The following EXD3 variants were observed in gnomAD, a reference collection of about 807,000 sequenced individuals.
The protein encoded by EXD3 is exonuclease 3'-5' domain containing 3.
In EXD3, 92 loss-of-function variants were observed where a neutral mutation model predicts 98.0. The ratio of observed to expected loss-of-function variants is 0.94; its 90% CI spans 0.79 to 1.12. The LOEUF is 1.12. Ranked by LOEUF, EXD3 falls within the 50% of genes most tolerant of loss-of-function variation. The pLI, the probability that EXD3 is intolerant of heterozygous loss-of-function variation, is 0.00. For missense variants in EXD3, 1,222 were observed against 1,191.6 expected (o/e 1.03, Z -0.38); for synonymous variants, 569 against 526.0 (o/e 1.08, Z -1.12).
intron 20 of EXD3, among the ~76,000 whole-genome samples, chr9:137,308,248 T>C (rs1831155847): frequency 6.6e-6 from 1 of 152,172 alleles, no homozygotes; most frequent in African/African-American, 2.4e-5. Flanking sequence ...CCTGCTCCTG[T>C]TGACCCTCGT....
chr9:137,403,169 T>C lies in EXD3; in HGVS notation c.-47-7765A>G, dbSNP rs1837549317. Reference sequence around the variant, plus strand: ...CTGACCCCTCTCCCCTCCATGGCAGTGTGGGGACTGCTATGCATATCTGAA... The same window carrying C: ...CTGACCCCTCTCCCCTCCATGGCAGCGTGGGGACTGCTATGCATATCTGAA... On this transcript the variant is annotated intron_variant, in intron 1 of 21. Coordinates refer to ENST00000340951, the MANE Select transcript of EXD3 (RefSeq NM_017820.5). The surrounding 1 kb of genome is among the most constrained non-coding windows in gnomAD (Gnocchi z 6.1). Among the ~76,000 whole-genome samples the C allele has an allele frequency of 1.3e-5, 2 of 151,878 alleles. No individual in the cohort carries two copies. Among genetic ancestry groups the C allele is most frequent in the Non-Finnish European group, 2.9e-5 (2 of 67,996 alleles).
chr9:137,366,024 A>T (rs776693383), intron 7 of EXD3: 34 of 632,982 alleles, frequency 5.4e-5, no homozygotes, highest in Middle Eastern at 2.5e-4. Context: ...GGGCACACAC[A>T]TACATGCACA....
intron 17 of EXD3, among the ~76,000 whole-genome samples, chr9:137,338,425 T>A (rs1015956783): frequency 3.3e-5 from 5 of 151,746 alleles, no homozygotes; most frequent in Admixed American, 1.3e-4. Context: ...AACACTTATA[T>A]CATAAAATAT....
chr9:137,365,591 A>T lies in EXD3; in HGVS notation c.656+902T>A, dbSNP rs181202910. On this transcript the variant is annotated intron_variant, in intron 7 of 21. Transcript: ENST00000340951. ...GAACACAGTGCACACACAGGTACAC[A>T]CGCACACACATGCACACACACGCAC... 60 of 153,660 alleles carry T rather than the reference A, an allele frequency of 3.9e-4. 1 individual carries two copies. Among genetic ancestry groups the T allele is most frequent in the Non-Finnish European group, 5.4e-4 (41 of 76,214 alleles). 9.5% of individuals were successfully genotyped at this position (153,660 alleles called of 1,614,324 possible). A position where few individuals can be genotyped will look rare whatever the true frequency, so the allele number is the denominator to read the frequency against.
chr9:137,344,737 T>G (rs1833832395), intron 17 of EXD3, among the ~76,000 whole-genome samples: 2 of 150,018 alleles, frequency 1.3e-5, no homozygotes, highest in Admixed American at 1.3e-4. Context: ...CCTGCTCACA[T>G]TCTATCATAA....
chr9:137,395,974 T>C lies in EXD3; in HGVS notation c.-47-570A>G, dbSNP rs558411536. 1.5e-3 allele frequency among the ~76,000 whole-genome samples: 213 copies of C among 145,386 alleles called. 1 individual carries two copies. Among genetic ancestry groups the C allele is most frequent in the African/African-American group, 5.4e-3 (195 of 36,134 alleles). On this transcript the variant is annotated intron_variant, in intron 1 of 21. Transcript: ENST00000340951. This position sits in a 1 kb window ranked among gnomAD's most constrained non-coding sequence, Gnocchi z 6.5. The stretch of plus-strand genomic sequence containing the variant: ...TTTTCTTTTCTTTCTTTCTTTCTTT[T>C]TTTTTTTTTTGGAGACAGAGTCTCT...
In EXD3 at chr9:137,417,979, C is replaced by T. The variant is rs1588447808; in HGVS notation, c.-48+5135G>A. 4.6e-5 allele frequency among the ~76,000 whole-genome samples: 7 copies of T among 152,234 alleles called. No homozygotes were observed. In the South Asian group the frequency reaches 1.0e-3, roughly 23 times the overall value. Reference sequence around the variant, plus strand: ...GGGACGGGTGAGCCTCGGGGACGCACGGTCACTGGGAGGCCGAGGACCCCC... The same window carrying T: ...GGGACGGGTGAGCCTCGGGGACGCATGGTCACTGGGAGGCCGAGGACCCCC... On this transcript the variant is annotated intron_variant, in intron 1 of 21. Coordinates refer to ENST00000340951, the MANE Select transcript of EXD3 (RefSeq NM_017820.5).
At chr9:137,317,038 T>C (rs1299814812) in intron 19 of EXD3, among the ~76,000 whole-genome samples, 1 of 152,008 alleles carries the variant, frequency 6.6e-6, no homozygotes, top group Non-Finnish European at 1.5e-5. Flanking sequence ...GCTCTCCTGC[T>C]CAGCCTGACA....
chr9:137,363,185 C>T (rs895782844), intron 7 of EXD3, among the ~76,000 whole-genome samples: 3 of 151,658 alleles, frequency 2.0e-5, no homozygotes, highest in Non-Finnish European at 2.9e-5. Flanking sequence ...TTACATTTAT[C>T]CTCATGAAAT....
chr9:137,310,375 T>C (rs752879706), intron 19 of EXD3, among the ~76,000 whole-genome samples: 6 of 152,186 alleles, frequency 3.9e-5, no homozygotes, highest in African/African-American at 7.2e-5. Context: ...TCCTGAGTAG[T>C]ACACCACCAC....
rs182724720 is a variant in EXD3 at position 137,317,344 on chromosome 9, C to T, written c.2184+6381G>A. Among the ~76,000 whole-genome samples, 183 of 152,302 alleles carry T rather than the reference C, an allele frequency of 1.2e-3. 3 individuals are homozygous for T. In the East Asian group the frequency reaches 0.031, roughly 26 times the overall value. ...TGGCCGGTCCCTCCTGCGTGCACCC[C>T]TGGCACCCCGAGGACAGCCTGCCCA... On this transcript the variant is annotated intron_variant, in intron 19 of 21. Transcript: ENST00000340951.
intron 17 of EXD3, among the ~76,000 whole-genome samples, chr9:137,326,795 C>G: frequency 6.6e-6 from 1 of 152,086 alleles, no homozygotes; most frequent in East Asian, 1.9e-4. Context: ...TGTGAAGGTT[C>G]CTCAAGAAGT....
In EXD3 at chr9:137,347,175, G is replaced by C. The variant is rs1757840856; in HGVS notation, c.1998+896C>G. The stretch of plus-strand genomic sequence containing the variant: ...GCTTAGCAGCTTACAACATAGTTCT[G>C]TGGAAGTCCAGAAGTCCGGTGGACT... On this transcript the variant is annotated intron_variant, in intron 17 of 21. Transcript: ENST00000340951. The surrounding 1 kb of genome is among the most constrained non-coding windows in gnomAD (Gnocchi z 4.2). 6.6e-6 allele frequency among the ~76,000 whole-genome samples: 1 copy of C among 152,176 alleles called. No individual in the cohort carries two copies. Among genetic ancestry groups the C allele is most frequent in the African/African-American group, 2.4e-5 (1 of 41,440 alleles).
chr9:137,421,030 G>T (rs970812122), intron 1 of EXD3, among the ~76,000 whole-genome samples: 1 of 152,128 alleles, frequency 6.6e-6, no homozygotes, highest in Non-Finnish European at 1.5e-5. Flanking sequence ...TGCCCAGGTT[G>T]GTCTCAAACT....
chr9:137,327,278 C>G (rs559676271), intron 17 of EXD3, among the ~76,000 whole-genome samples: 1 of 151,994 alleles, frequency 6.6e-6, no homozygotes, highest in Non-Finnish European at 1.5e-5. Context: ...GGACTATAGG[C>G]GCCCTCCACC....
At position 137,323,720 on chromosome 9, in the gene EXD3, C is replaced by T. The variant is rs1438621321; in HGVS notation, c.2184+5G>A. 8 of 1,611,482 alleles carry T rather than the reference C, an allele frequency of 5.0e-6. No homozygotes were observed. In the Admixed American group the frequency reaches 6.7e-5, roughly 13 times the overall value. On this transcript the variant is annotated splice_donor_5th_base_variant and intron_variant, in intron 19 of 21. Transcript: ENST00000340951. ...CCCAGGTAGGACGGGGTGCGCAGGA[C>T]CCACCTGGCAGCGGCTGAAGATGTC...
At chr9:137,311,577 TGCCGTCAGTGAGGGCCTG>T in intron 19 of EXD3, among the ~76,000 whole-genome samples, 1 of 152,118 alleles carries the variant, frequency 6.6e-6, no homozygotes, top group Admixed American at 6.5e-5. Context: ...AGTCACCGGG[TGCCGTCAGTGAGGGCCTG>T]GCCCCACCCT....
intron 19 of EXD3, among the ~76,000 whole-genome samples, chr9:137,310,743 GCCA>G (rs1341624093): frequency 4.6e-5 from 7 of 152,214 alleles, no homozygotes; most frequent in African/African-American, 1.7e-4. Context: ...CCCACTGAGA[GCCA>G]GGTCCCAGGC....
chr9:137,321,671 A>G (rs774949018), intron 19 of EXD3, among the ~76,000 whole-genome samples: 1 of 152,096 alleles, frequency 6.6e-6, no homozygotes, highest in Non-Finnish European at 1.5e-5. Context: ...CGATGGAGTG[A>G]GACTCCGTCC....
Sources: gnomAD v4.1 joint callset for allele counts (sites outside exome capture counted in the v4.1 genomes callset) on GRCh38, gnomAD v4.1.1 for gene constraint, Gnocchi (gnomAD v3.1) non-coding constraint, MANE v1.5 for transcripts, NCBI Gene and HGNC (gene_info 2026-07-23, HGNC 2026-07-21) for gene names.